The following GLB1 variants were observed in gnomAD, a reference collection of about 807,000 sequenced individuals.
GLB1 encodes beta-galactosidase.
GLB1 carries 56 observed loss-of-function variants against 74.0 expected under a neutral mutation model. The observed-to-expected ratio is 0.76, with a 90% confidence interval of 0.61 to 0.94. The LOEUF (loss-of-function observed/expected upper bound fraction) is 0.94, where lower values mean the gene tolerates loss of function less well. Among genes scored for constraint, GLB1 ranks in the 40% least tolerant of loss-of-function variants. GLB1 has a pLI of 0.00. For synonymous variants in GLB1, 323 were observed against 323.6 expected (o/e 1.00, Z 0.02); for missense variants, 787 against 845.5 (o/e 0.93, Z 0.86).
At chr3:32,989,518 C>A in the GLB1 span, among the ~76,000 whole-genome samples, 1 of 152,178 alleles carries the variant, frequency 6.6e-6, no homozygotes, top group Non-Finnish European at 1.5e-5. Context: ...TGGAGGATTG[C>A]TTGCTCCCTG....
At chr3:33,085,940 G>A (rs1700489499) in intron 1 of GLB1, among the ~76,000 whole-genome samples, 1 of 151,764 alleles carries the variant, frequency 6.6e-6, no homozygotes, top group Admixed American at 6.6e-5. Flanking sequence ...AGGAGTGGTG[G>A]TGGTGGTGCA....
chr3:33,002,347 CCCTT>C (rs1268362244), intron 15 of GLB1, among the ~76,000 whole-genome samples: 190 of 114,192 alleles, frequency 1.7e-3, no homozygotes, highest in Middle Eastern at 4.2e-3. Flanking sequence ...CTCCCTCCCT[CCCTT>C]CCTTCCTTCC....
chr3:32,975,628 A>G, the GLB1 span, among the ~76,000 whole-genome samples: 3 of 152,370 alleles, frequency 2.0e-5, no homozygotes, highest in South Asian at 6.2e-4. Context: ...CGAGAGAAAG[A>G]GCAACAAATA....
intron 15 of GLB1, among the ~76,000 whole-genome samples, chr3:33,007,693 G>A (rs1696844037): frequency 1.3e-5 from 2 of 152,232 alleles, no homozygotes; most frequent in African/African-American, 2.4e-5. Flanking sequence ...AAGTGTTTGA[G>A]TGGACATATG....
chr3:33,025,032 G>C (rs1188071456), intron 10 of GLB1, among the ~76,000 whole-genome samples: 1 of 151,348 alleles, frequency 6.6e-6, no homozygotes, highest in East Asian at 1.9e-4. Context: ...CGCAACCTCT[G>C]CCTCCCGGGT....
chr3:33,018,945 C>T (rs1425067585), intron 12 of GLB1, among the ~76,000 whole-genome samples: 3 of 152,146 alleles, frequency 2.0e-5, no homozygotes, highest in Non-Finnish European at 4.4e-5. Flanking sequence ...GGCAAACAAA[C>T]AGCAAAGCCA....
At position 33,097,122 on chromosome 3, in the gene GLB1, G is replaced by A. The variant is rs115554377; in HGVS notation, c.-37C>T. ...TCCCGGCTCTGCAGTCGGCGCCCAG[G>A]CCGGCCGCTTCGCGTCACTTGACTA... On this transcript the variant is annotated 5_prime_UTR_variant, in exon 1 of 16. Transcript: ENST00000307363. 6.8e-6 allele frequency: 11 copies of A among 1,608,268 alleles called. No individual in the cohort carries two copies. The East Asian group carries it at 1.3e-4, about 20-fold the overall frequency.
the GLB1 span, among the ~76,000 whole-genome samples, chr3:32,965,657 C>T: frequency 6.6e-6 from 1 of 152,180 alleles, no homozygotes; most frequent in Non-Finnish European, 1.5e-5. Flanking sequence ...ATATTCTTCA[C>T]TAAGATAATG....
chr3:33,022,697 G>A (rs1254578383), intron 11 of GLB1, among the ~76,000 whole-genome samples: 1 of 149,778 alleles, frequency 6.7e-6, no homozygotes, highest in East Asian at 2.0e-4. Context: ...TCAACCTCCT[G>A]AGCAGGCATG....
the GLB1 span, among the ~76,000 whole-genome samples, chr3:32,979,662 G>A: frequency 2.0e-5 from 3 of 151,830 alleles, no homozygotes; most frequent in Non-Finnish European, 4.4e-5. Context: ...AGACCAGCCT[G>A]AGCAACATAG....
intron 1 of GLB1, among the ~76,000 whole-genome samples, chr3:33,074,799 A>G (rs1700049241): frequency 6.6e-6 from 1 of 152,204 alleles, no homozygotes; most frequent in Non-Finnish European, 1.5e-5. Context: ...CAGTAGCATC[A>G]TAGTCCATGG....
chr3:33,042,158 C>G (rs1259265736), intron 10 of GLB1, among the ~76,000 whole-genome samples: 1 of 152,152 alleles, frequency 6.6e-6, no homozygotes, highest in Non-Finnish European at 1.5e-5. Context: ...AACTTTCTAA[C>G]TGGTCTTCCT....
At chr3:32,996,110 G>C (rs1482626358), downstream of GLB1, among the ~76,000 whole-genome samples, 1 of 152,188 alleles carries the variant, frequency 6.6e-6, no homozygotes, top group Non-Finnish European at 1.5e-5. Flanking sequence ...CAGGATGACA[G>C]TATATTCCTC....
rs566232779 is a variant in GLB1, at chr3:33,083,755, G to A, written c.76-11042C>T. 1.1e-4 allele frequency among the ~76,000 whole-genome samples: 17 copies of A among 151,724 alleles called. No individual in the cohort carries two copies. The South Asian group carries it at 1.7e-3, about 15-fold the overall frequency. ...GCAGTACAAACAAAACACCAAATAC[G>A]TATCAGGAACCTAATACTGGCCAAT... On this transcript the variant is annotated intron_variant, in intron 1 of 15. Coordinates refer to ENST00000307363, the MANE Select transcript of GLB1 (RefSeq NM_000404.4).
chr3:32,998,158 A>G (rs1409319285), intron 15 of GLB1, among the ~76,000 whole-genome samples: 1 of 152,212 alleles, frequency 6.6e-6, no homozygotes, highest in Non-Finnish European at 1.5e-5. Context: ...ATAAACTCCT[A>G]AAAAACAGGG....
chr3:33,043,452 C>T (rs981333968), intron 10 of GLB1, among the ~76,000 whole-genome samples: 1 of 151,586 alleles, frequency 6.6e-6, no homozygotes, highest in Admixed American at 6.6e-5. Flanking sequence ...AATTAGAATG[C>T]AGTGAATAAC....
intron 1 of GLB1, among the ~76,000 whole-genome samples, chr3:33,080,481 T>G (rs1700284993): frequency 6.6e-6 from 1 of 152,224 alleles, no homozygotes; most frequent in Non-Finnish European, 1.5e-5. Flanking sequence ...CACACTCAGA[T>G]CTCATGTCTT....
Position 33,065,504 on chromosome 3 carries a change from G to T in GLB1, c.511C>A (p.Pro171Thr), listed in dbSNP as rs1318375829. The change falls in exon 5 of 16, where the codon CCT becomes ACT. Residue 171 changes from proline to threonine, a missense_variant. Coordinates refer to ENST00000307363, the MANE Select transcript of GLB1 (RefSeq NM_000404.4). ...GGCCCTCCATTCTGATAGAGGAGAG[G>T]CTTCATCTTGGGCAGAAGGACTCCC... The part of the protein sequence containing the change: ...WLGVLLPKMK[P>T]LLYQNGGPVI... 1 of 1,586,658 alleles carries T rather than the reference G, an allele frequency of 6.3e-7. No homozygotes were observed. Among genetic ancestry groups the T allele is most frequent in the South Asian group, 1.1e-5 (1 of 87,732 alleles).
intron 10 of GLB1, among the ~76,000 whole-genome samples, chr3:33,024,773 A>G (rs1324939962): frequency 6.6e-6 from 1 of 152,242 alleles, no homozygotes; most frequent in Non-Finnish European, 1.5e-5. Flanking sequence ...TATTGTTATG[A>G]AACATATAAC....
Sources: gnomAD v4.1 joint callset for allele counts (sites outside exome capture counted in the v4.1 genomes callset) on GRCh38, gnomAD v4.1.1 for gene constraint, MANE v1.5 for transcripts, NCBI Gene and HGNC (gene_info 2026-07-23, HGNC 2026-07-21) for gene names.